Variants in SUFU observed in about 807,000 individuals in gnomAD.
SUFU encodes SUFU negative regulator of hedgehog signaling.
SUFU carries 7 observed loss-of-function variants against 58.9 expected under a neutral mutation model. That is an observed-to-expected ratio of 0.12 (90% CI 0.07 to 0.22). SUFU has a LOEUF of 0.22. Among genes scored for constraint, SUFU ranks in the 10% least tolerant of loss-of-function variants. The probability of loss-of-function intolerance (pLI) is 1.00; values close to 1 mark genes in which losing one functional copy is unlikely to be tolerated. For synonymous variants in SUFU, 232 were observed against 254.8 expected (o/e 0.91, Z 0.85); for missense variants, 451 against 641.3 (o/e 0.70, Z 3.20).
chr10:102,542,588 C>G (rs1234768544), intron 2 of SUFU, among the ~76,000 whole-genome samples: 1 of 150,122 alleles, frequency 6.7e-6, no homozygotes, highest in African/African-American at 2.5e-5. Flanking sequence ...ATCTTCCTTT[C>G]TTTCTTCCTC....
intron 8 of SUFU, among the ~76,000 whole-genome samples, chr10:102,604,126 C>A (rs576439112): frequency 6.6e-6 from 1 of 152,158 alleles, no homozygotes. Flanking sequence ...CACACTCCCA[C>A]GCTGGGGAAG....
chr10:102,573,357 G>A (rs2063182465), intron 3 of SUFU: 2 of 411,902 alleles, frequency 4.9e-6, no homozygotes, highest in Middle Eastern at 8.0e-4. Context: ...AGCATGTGAA[G>A]AAATTGGCAC....
chr10:102,536,071 A>T (rs1215587796), intron 2 of SUFU, among the ~76,000 whole-genome samples: 1 of 151,840 alleles, frequency 6.6e-6, no homozygotes, highest in Non-Finnish European at 1.5e-5. Context: ...TGGGTTCAAG[A>T]GATTCTCCTG....
chr10:102,557,102 A>T (rs1322723267), intron 3 of SUFU, among the ~76,000 whole-genome samples: 1 of 151,830 alleles, frequency 6.6e-6, no homozygotes, highest in Non-Finnish European at 1.5e-5. Flanking sequence ...AATTAGCTTG[A>T]TGTGGTGGTA....
In SUFU at chr10:102,632,086, T is replaced by C. The variant is rs558778188; in HGVS notation, c.*1931T>C. ...GACCAGCCTCTCCCTGAACTCTCTC[T>C]TGCTCGGGACCTGCCTGAGGGCTCC... On this transcript the variant is annotated 3_prime_UTR_variant, in exon 12 of 12. Transcript: ENST00000369902. The C allele has an allele frequency of 2.5e-4, 58 of 233,396 alleles. No individual in the cohort carries two copies. Among genetic ancestry groups the C allele is most frequent in the Non-Finnish European group, 4.5e-4 (53 of 118,128 alleles). 14.5% of individuals were successfully genotyped at this position (233,396 alleles called of 1,614,324 possible).
chr10:102,536,012 C>T (rs905720417), intron 2 of SUFU, among the ~76,000 whole-genome samples: 3 of 152,066 alleles, frequency 2.0e-5, no homozygotes, highest in Non-Finnish European at 4.4e-5. Flanking sequence ...TGTCTCGCTT[C>T]GGTTAGAGTG....
At chr10:102,541,697 CTTTTTTTTTT>C (rs869264798) in intron 2 of SUFU, among the ~76,000 whole-genome samples, 8 of 56,096 alleles carry the variant, frequency 1.4e-4, no homozygotes, top group Admixed American at 8.6e-4. Context: ...CCGCGCCCGG[CTTTTTTTTTT>C]TTTTTTTTTT....
At chr10:102,513,405 A>AT (rs566889268) in intron 2 of SUFU, among the ~76,000 whole-genome samples, 232 of 152,290 alleles carry the variant, frequency 1.5e-3, no homozygotes, top group Non-Finnish European at 2.6e-3. Context: ...GCATTGATTC[A>AT]TTTTTTCAGC....
chr10:102,614,113 C>A (rs1030818635), intron 8 of SUFU, among the ~76,000 whole-genome samples: 1 of 152,214 alleles, frequency 6.6e-6, no homozygotes, highest in East Asian at 1.9e-4. Context: ...TCCTCAGAGC[C>A]TTCAGGGTCA....
At position 102,513,807 on chromosome 10, in the gene SUFU, A is replaced by G. The variant is rs1232817753; in HGVS notation, c.317+4504A>G. Among the ~76,000 whole-genome samples the G allele has an allele frequency of 1.3e-5, 2 of 152,212 alleles. 1 individual carries two copies. Among genetic ancestry groups the G allele is most frequent in the Non-Finnish European group, 2.9e-5 (2 of 68,032 alleles). ...TTCAAAAACTTCTAGTGCCACTTTC[A>G]TAATTGTTGCCACTTGTAGTATTAT... On this transcript the variant is annotated intron_variant, in intron 2 of 11. Coordinates refer to ENST00000369902, the MANE Select transcript of SUFU (RefSeq NM_016169.4).
chr10:102,528,299 A>G (rs1209665016), intron 2 of SUFU, among the ~76,000 whole-genome samples: 4 of 152,056 alleles, frequency 2.6e-5, no homozygotes, highest in South Asian at 2.1e-4. Context: ...GGCTGGTACA[A>G]TGGCTCACAC....
intron 3 of SUFU, among the ~76,000 whole-genome samples, chr10:102,581,602 T>C (rs915043046): frequency 1.3e-5 from 2 of 152,188 alleles, no homozygotes; most frequent in Admixed American, 6.5e-5. Flanking sequence ...AGCTTGAGCC[T>C]TCTCAGGAAG....
intron 3 of SUFU, among the ~76,000 whole-genome samples, chr10:102,585,636 A>AG (rs2063328174): frequency 6.6e-6 from 1 of 152,026 alleles, no homozygotes; most frequent in African/African-American, 2.4e-5. Context: ...CCTCCCGAGT[A>AG]CCTGGGACTA....
chr10:102,541,556 G>A (rs7067595), intron 2 of SUFU, among the ~76,000 whole-genome samples: 6,590 of 151,560 alleles, frequency 0.043, 459 homozygotes, highest in African/African-American at 0.15. Flanking sequence ...GTGCCACCAC[G>A]CCTGGCAAAT....
chr10:102,616,448 AC>A (rs1180599960), intron 9 of SUFU, among the ~76,000 whole-genome samples: 3 of 152,216 alleles, frequency 2.0e-5, no homozygotes, highest in African/African-American at 7.2e-5. Context: ...TGGGCAGCAG[AC>A]AGAGAGCAAA....
At chr10:102,573,073 T>C (rs2063178757) in intron 3 of SUFU, 1 of 791,638 alleles carries the variant, frequency 1.3e-6, no homozygotes, top group Non-Finnish European at 2.3e-6. Context: ...AGAATCGCAG[T>C]GTCTTGGGCC....
intron 2 of SUFU, among the ~76,000 whole-genome samples, chr10:102,545,640 G>A (rs768294303): frequency 4.6e-5 from 7 of 152,088 alleles, no homozygotes; most frequent in Non-Finnish European, 1.0e-4. Flanking sequence ...GGGTGTGGAG[G>A]GGCAGTAGCT....
upstream of SUFU, among the ~76,000 whole-genome samples, chr10:102,503,743 T>C (rs2062279407): frequency 6.6e-6 from 1 of 152,200 alleles, no homozygotes; most frequent in Non-Finnish European, 1.5e-5. Context: ...CGTGGGACCT[T>C]AGCACCTCAG....
At chr10:102,530,803 G>A (rs1410084243) in intron 2 of SUFU, among the ~76,000 whole-genome samples, 1 of 151,958 alleles carries the variant, frequency 6.6e-6, no homozygotes, top group African/African-American at 2.4e-5. Flanking sequence ...GGAAGGAAAC[G>A]AGGTAATATG....
Sources: allele counts gnomAD v4.1 joint callset (sites outside exome capture counted in the v4.1 genomes callset), GRCh38; gene constraint gnomAD v4.1.1; transcripts MANE v1.5; gene names NCBI Gene and HGNC (gene_info 2026-07-23, HGNC 2026-07-21).